PRKN: variants seen among roughly 807,000 people sequenced by gnomAD.
The protein encoded by PRKN is parkin RBR E3 ubiquitin protein ligase, also known as E3 ubiquitin-protein ligase parkin.
A neutral mutation model predicts 59.5 loss-of-function variants in PRKN; 56 were observed. The ratio of observed to expected loss-of-function variants is 0.94; its 90% CI spans 0.76 to 1.18. PRKN has a LOEUF of 1.18. Ranked by LOEUF, PRKN falls within the 50% of genes most tolerant of loss-of-function variation. The pLI, the probability that PRKN is intolerant of heterozygous loss-of-function variation, is 0.00. For synonymous variants in PRKN, 250 were observed against 222.1 expected, an observed-to-expected ratio of 1.13 and a Z score of -1.12; for missense variants, 657 against 596.4, an observed-to-expected ratio of 1.10 and a Z score of -1.06.
intron 1 of PRKN, among the ~76,000 whole-genome samples, chr6:162,686,833 T>C (rs755753949): frequency 6.6e-6 from 1 of 152,188 alleles, no homozygotes; most frequent in Non-Finnish European, 1.5e-5. Context: ...CGTAGATATA[T>C]GGCTTTATTT....
At chr6:162,725,187 C>T (rs1779093018) in intron 1 of PRKN, among the ~76,000 whole-genome samples, 1 of 152,216 alleles carries the variant, frequency 6.6e-6, no homozygotes, top group Admixed American at 6.5e-5. Context: ...CCGAATCCCG[C>T]AACAAGGTGA....
At chr6:161,765,390 T>C (rs73783396) in intron 7 of PRKN, among the ~76,000 whole-genome samples, 2,255 of 152,328 alleles carry the variant, frequency 0.015, 59 homozygotes, top group African/African-American at 0.047. Context: ...ATTATCAGCT[T>C]TACAGCTTGA....
chr6:161,820,804 CAACTT>C, intron 6 of PRKN, among the ~76,000 whole-genome samples: 1 of 150,356 alleles, frequency 6.7e-6, no homozygotes, highest in South Asian at 2.1e-4. Flanking sequence ...AAATTGCAAA[CAACTT>C]AAATTTTCAA....
chr6:161,350,246 C>T (rs1784473292), intron 11 of PRKN, 35 bp from the exon 12 acceptor site: 3 of 1,466,234 alleles, frequency 2.0e-6, no homozygotes, highest in African/African-American at 2.8e-5. Context: ...GTGGTGGGTT[C>T]GCAGCAAGTA....
chr6:162,156,134 G>A (rs1223866204), intron 4 of PRKN, among the ~76,000 whole-genome samples: 1 of 152,048 alleles, frequency 6.6e-6, no homozygotes, highest in African/African-American at 2.4e-5. Context: ...TTTTTGCTAT[G>A]CCATCATAAT....
At chr6:162,526,716 T>C (rs1412418296) in intron 1 of PRKN, among the ~76,000 whole-genome samples, 1 of 151,426 alleles carries the variant, frequency 6.6e-6, no homozygotes, top group Non-Finnish European at 1.5e-5. Context: ...GATAGCTAGA[T>C]GGAAGAAAAA....
chr6:162,607,019 T>C (rs1781947531), intron 1 of PRKN, among the ~76,000 whole-genome samples: 1 of 152,170 alleles, frequency 6.6e-6, no homozygotes, highest in Non-Finnish European at 1.5e-5. Context: ...AGCCCGGTTA[T>C]TTATTGAAAC....
chr6:161,559,860 G>A (rs964820896), intron 8 of PRKN, among the ~76,000 whole-genome samples: 1 of 152,162 alleles, frequency 6.6e-6, no homozygotes, highest in African/African-American at 2.4e-5. Context: ...TGTATTAGAT[G>A]GCTTCATATT....
chr6:162,463,965 T>A (rs1791294267), intron 1 of PRKN, among the ~76,000 whole-genome samples: 2 of 152,178 alleles, frequency 1.3e-5, no homozygotes, highest in Non-Finnish European at 1.5e-5. Flanking sequence ...ATTTTAAAGA[T>A]AAAAATAAAG....
At chr6:161,878,807 A>T (rs537115171) in intron 6 of PRKN, among the ~76,000 whole-genome samples, 1 of 152,182 alleles carries the variant, frequency 6.6e-6, no homozygotes, top group Non-Finnish European at 1.5e-5. Flanking sequence ...TGGTGCTCCT[A>T]CAAACATTCT....
rs1582993899 is a variant in PRKN at position 161,378,062 on chromosome 6, G to A, written c.1167+8732C>T. ...TACAAGCTCCTAAGCAGTGGCAAAC[G>A]TCTTGGCAGCCTCTTTAAGGGCAGG... On this transcript the variant is annotated intron_variant, in intron 10 of 11. Transcript: ENST00000366898. This position sits in a 1 kb window ranked among gnomAD's most constrained non-coding sequence, Gnocchi z 7.3. Among the ~76,000 whole-genome samples the A allele has an allele frequency of 1.3e-5, 2 of 152,132 alleles. No individual in the cohort carries two copies. The highest frequency in any genetic ancestry group is 4.1e-4 in the South Asian group (2 of 4,832).
rs1790562450 is a variant in PRKN at position 161,467,934 on chromosome 6, AATTCT to A, written c.1083+80915_1083+80919del. Among the ~76,000 whole-genome samples the A allele has an allele frequency of 6.6e-6, 1 of 151,766 alleles. No individual in the cohort carries two copies. The highest frequency in any genetic ancestry group is 6.6e-5 in the Admixed American group (1 of 15,262). Reference sequence around the variant, plus strand: ...TTTTTTTTCATGTGAGAAAGAGTAAAATTCTATTCCTTCTCACTCCCTTAGCCTAC... The same window carrying A: ...TTTTTTTTCATGTGAGAAAGAGTAAAATTCCTTCTCACTCCCTTAGCCTAC... On this transcript the variant is annotated intron_variant, in intron 9 of 11. Coordinates refer to ENST00000366898, the MANE Select transcript of PRKN (RefSeq NM_004562.3). The surrounding 1 kb of genome is among the most constrained non-coding windows in gnomAD (Gnocchi z 4.3).
intron 1 of PRKN, among the ~76,000 whole-genome samples, chr6:162,459,049 A>G (rs1279465869): frequency 3.3e-5 from 5 of 151,964 alleles, no homozygotes; most frequent in African/African-American, 1.2e-4. Flanking sequence ...TCAACTCCTG[A>G]CCCCAGGTGA....
At chr6:162,284,215 C>CTTTTTTTTTTTTTTTTTTTTTT (rs35609309) in intron 2 of PRKN, among the ~76,000 whole-genome samples, 3 of 75,678 alleles carry the variant, frequency 4.0e-5, no homozygotes, top group African/African-American at 9.6e-5. Context: ...TTATTTCTTT[C>CTTTTTTTTTTTTTTTTTTTTTT]TTTTTTTTTT....
intron 7 of PRKN, among the ~76,000 whole-genome samples, chr6:161,682,270 T>C (rs983840593): frequency 6.6e-6 from 1 of 152,072 alleles, no homozygotes; most frequent in Non-Finnish European, 1.5e-5. Flanking sequence ...TCGGATTCCA[T>C]AGAGGCCTCC....
intron 7 of PRKN, among the ~76,000 whole-genome samples, chr6:161,741,845 T>C (rs895279902): frequency 5.9e-5 from 9 of 152,250 alleles, no homozygotes; most frequent in Middle Eastern, 6.8e-3. Flanking sequence ...AATCCCCACA[T>C]GTTAAGGGCG....
chr6:162,415,654 T>C (rs1443025250), intron 2 of PRKN, among the ~76,000 whole-genome samples: 1 of 152,018 alleles, frequency 6.6e-6, no homozygotes, highest in African/African-American at 2.4e-5. Flanking sequence ...CCGTCTGTAC[T>C]AAAAATACAA....
In PRKN at chr6:161,575,911, C is replaced by G. The variant is rs1012675381; in HGVS notation, c.872-6495G>C. Among the ~76,000 whole-genome samples the G allele has an allele frequency of 2.6e-5, 4 of 152,132 alleles. No individual in the cohort carries two copies. Among genetic ancestry groups the G allele is most frequent in the African/African-American group, 2.4e-5 (1 of 41,440 alleles). ...ATGGCATCAAAAATAAATGAAGATTCAATGTGATCGAAGACAATGCAGCGA... is the reference window on the plus strand; with the variant it reads ...ATGGCATCAAAAATAAATGAAGATTGAATGTGATCGAAGACAATGCAGCGA... On this transcript the variant is annotated intron_variant, in intron 7 of 11. Transcript: ENST00000366898. The surrounding 1 kb of genome is among the most constrained non-coding windows in gnomAD (Gnocchi z 4.6).
rs76395431 is a variant in PRKN, at chr6:161,871,097, G to C, written c.735-85189C>G. ...AGAGAGAGAAAATAAGAATAAGAGG[G>C]AAAATAAGATAGATACTTTGTAGCA... On this transcript the variant is annotated intron_variant, in intron 6 of 11. Coordinates refer to ENST00000366898, the MANE Select transcript of PRKN (RefSeq NM_004562.3). Among the ~76,000 whole-genome samples the C allele has an allele frequency of 7.9e-3, 1,206 of 151,722 alleles. 16 individuals are homozygous for C. The highest frequency in any genetic ancestry group is 0.027 in the African/African-American group (1,123 of 41,274).
Sources: allele counts gnomAD v4.1 joint callset (sites outside exome capture counted in the v4.1 genomes callset), GRCh38; gene constraint gnomAD v4.1.1; non-coding constraint Gnocchi (gnomAD v3.1); transcripts MANE v1.5; gene names NCBI Gene and HGNC (gene_info 2026-07-23, HGNC 2026-07-21).